AKAP19: variants seen among roughly 807,000 people sequenced by gnomAD.
AKAP19 encodes the protein small A-kinase anchoring protein.
chr2:190,000,053 C>T, the AKAP19 span, among the ~76,000 whole-genome samples: 2 of 152,208 alleles, frequency 1.3e-5, no homozygotes, highest in African/African-American at 4.8e-5. Context: ...AGTACAGGAA[C>T]TAAGACACCT....
At chr2:190,106,312 T>C in the AKAP19 span, among the ~76,000 whole-genome samples, 1 of 152,210 alleles carries the variant, frequency 6.6e-6, no homozygotes, top group Non-Finnish European at 1.5e-5. Flanking sequence ...CTAGCTTATA[T>C]ATTCAAAATA....
At chr2:190,064,094 T>G in the AKAP19 span, among the ~76,000 whole-genome samples, 2 of 152,146 alleles carry the variant, frequency 1.3e-5, no homozygotes, top group African/African-American at 4.8e-5. Context: ...ACTAATTTAC[T>G]GCCTCGGTGC....
chr2:189,927,314 A>G, the AKAP19 span, among the ~76,000 whole-genome samples: 1 of 152,230 alleles, frequency 6.6e-6, no homozygotes, highest in African/African-American at 2.4e-5. Flanking sequence ...AATATATTAT[A>G]CACTTTTGGT....
chr2:189,952,317 C>A, the AKAP19 span, among the ~76,000 whole-genome samples: 1 of 152,156 alleles, frequency 6.6e-6, no homozygotes, highest in South Asian at 2.1e-4. Flanking sequence ...CTCCCCTATA[C>A]AAGAAAGGGG....
At chr2:189,936,668 T>C in the AKAP19 span, among the ~76,000 whole-genome samples, 2 of 152,088 alleles carry the variant, frequency 1.3e-5, no homozygotes, top group African/African-American at 2.4e-5. Context: ...ATCCAAGAAA[T>C]AATTGAGAAA....
the AKAP19 span, among the ~76,000 whole-genome samples, chr2:190,140,671 C>A: frequency 6.6e-6 from 1 of 152,160 alleles, no homozygotes; most frequent in Non-Finnish European, 1.5e-5. Context: ...GCCCTGGACC[C>A]GGCCCATGAA....
the AKAP19 span, among the ~76,000 whole-genome samples, chr2:189,970,985 T>C: frequency 6.6e-6 from 1 of 152,174 alleles, no homozygotes; most frequent in Non-Finnish European, 1.5e-5. Flanking sequence ...TTTTTTATTC[T>C]CTTTTTTTAT....
the AKAP19 span, among the ~76,000 whole-genome samples, chr2:190,043,954 A>G: frequency 6.6e-6 from 1 of 152,164 alleles, no homozygotes. Flanking sequence ...AGAAGGGAAT[A>G]TGTTAGTGAG....
At chr2:190,148,572 A>C in the AKAP19 span, among the ~76,000 whole-genome samples, 1 of 152,184 alleles carries the variant, frequency 6.6e-6, no homozygotes, top group African/African-American at 2.4e-5. Context: ...AATAGTGTCA[A>C]AAGGATTGGG....
At chr2:189,940,956 A>G in the AKAP19 span, among the ~76,000 whole-genome samples, 4 of 152,192 alleles carry the variant, frequency 2.6e-5, no homozygotes, top group Non-Finnish European at 4.4e-5. Context: ...CCATGGATAT[A>G]ATAAACCCTC....
chr2:189,970,632 A>G, the AKAP19 span, among the ~76,000 whole-genome samples: 1 of 152,184 alleles, frequency 6.6e-6, no homozygotes, highest in South Asian at 2.1e-4. Context: ...GTTGATAGCA[A>G]TTTAGCTTAT....
chr2:190,054,634 T>C, the AKAP19 span, among the ~76,000 whole-genome samples: 1 of 152,030 alleles, frequency 6.6e-6, no homozygotes, highest in South Asian at 2.1e-4. Context: ...CCAACAAATT[T>C]ACAAGAATAA....
the AKAP19 span, among the ~76,000 whole-genome samples, chr2:189,936,983 A>C: frequency 6.6e-6 from 1 of 152,068 alleles, no homozygotes; most frequent in Non-Finnish European, 1.5e-5. Flanking sequence ...AAAATAAAAA[A>C]ATGTATGTGG....
chr2:190,151,770 G>A, the AKAP19 span, among the ~76,000 whole-genome samples: 1 of 152,146 alleles, frequency 6.6e-6, no homozygotes, highest in Non-Finnish European at 1.5e-5. Context: ...GAGAGGCCAA[G>A]GCAGTCAGAT....
At chr2:190,050,701 A>G in the AKAP19 span, among the ~76,000 whole-genome samples, 1 of 152,216 alleles carries the variant, frequency 6.6e-6, no homozygotes, top group African/African-American at 2.4e-5. Flanking sequence ...ATACAAAGAA[A>G]TAGTAAATAG....
the AKAP19 span, among the ~76,000 whole-genome samples, chr2:190,026,190 T>C: frequency 7.9e-5 from 12 of 152,296 alleles, no homozygotes; most frequent in Admixed American, 5.9e-4. Context: ...CAGGGATGGG[T>C]AAACTACAGC....
the AKAP19 span, chr2:189,930,222 C>T: frequency 4.6e-6 from 1 of 218,442 alleles, no homozygotes; most frequent in Non-Finnish European, 9.3e-6. Context: ...GATCAAAACC[C>T]CCCAACATGA....
At chr2:190,032,639 C>CAGGA in the AKAP19 span, among the ~76,000 whole-genome samples, 2 of 152,196 alleles carry the variant, frequency 1.3e-5, no homozygotes, top group African/African-American at 4.8e-5. Flanking sequence ...CTGTTCCTCT[C>CAGGA]ACTAGATTAC....
At chr2:189,943,432 G>A in the AKAP19 span, among the ~76,000 whole-genome samples, 1 of 152,234 alleles carries the variant, frequency 6.6e-6, no homozygotes, top group East Asian at 1.9e-4. Flanking sequence ...AGATTTTAGA[G>A]GCTGTATGAG....
Sources: gnomAD v4.1 joint callset for allele counts (sites outside exome capture counted in the v4.1 genomes callset) on GRCh38, gnomAD v4.1.1 for gene constraint, MANE v1.5 for transcripts, NCBI Gene and HGNC (gene_info 2026-07-23, HGNC 2026-07-21) for gene names.